Variants in MRPS11 observed in about 807,000 individuals in gnomAD.
MRPS11 encodes the protein mitochondrial ribosomal protein S11, also known as small ribosomal subunit protein uS11m.
MRPS11 carries 27 observed loss-of-function variants against 24.3 expected under a neutral mutation model. That is an observed-to-expected ratio of 1.11 (90% confidence interval 0.82 to 1.53). The LOEUF (loss-of-function observed/expected upper bound fraction) is 1.53, where lower values mean the gene tolerates loss of function less well. Ranked by LOEUF, MRPS11 falls within the 40% of genes most tolerant of loss-of-function variation. The pLI is 0.00. For synonymous variants in MRPS11, 104 were observed against 98.7 expected, an observed-to-expected ratio of 1.05 and a Z score of -0.32; for missense variants, 277 against 256.5, an observed-to-expected ratio of 1.08 and a Z score of -0.55.
Position 88,477,139 on chromosome 15 carries a change from GA to G in MRPS11, c.477+89del. 1.6e-6 allele frequency: 2 copies of G among 1,222,938 alleles called. No homozygotes were observed. The highest frequency in any genetic ancestry group is 1.5e-5 in the African/African-American group (1 of 66,780). 75.8% of individuals were successfully genotyped at this position (1,222,938 alleles called of 1,614,324 possible). On this transcript the variant is annotated intron_variant, in intron 5 of 5. Coordinates refer to ENST00000325844, the MANE Select transcript of MRPS11 (RefSeq NM_022839.5). The surrounding 1 kb of genome is among the most constrained non-coding windows in gnomAD (Gnocchi z 5.7). ...TTGAGAGCAGAGTACAGGGAGAGTA[GA>G]AAACACCTTTTAGTGGATTTCCATG...
At chr15:88,472,399 C>T (rs1387246915) in intron 2 of MRPS11, 7 of 435,836 alleles carry the variant, frequency 1.6e-5, no homozygotes, top group Non-Finnish European at 2.9e-5. Context: ...CTTCTCATAG[C>T]GGAAAGTCCC....
rs901597364 is a variant in MRPS11, at chr15:88,480,437, C to G, written c.*2458C>G. On this transcript the variant is annotated 3_prime_UTR_variant, in exon 6 of 6. Transcript: ENST00000325844. The surrounding 1 kb of genome is among the most constrained non-coding windows in gnomAD (Gnocchi z 5.1). ...TCTTGAACTCCTGGTCTCAAGCAGT[C>G]CCCCCACCTCGGCCTCCCAAAGTGC... The G allele has an allele frequency of 2.6e-5, 4 of 152,144 alleles. No homozygotes were observed. The East Asian group carries it at 5.8e-4, about 22-fold the overall frequency. The allele number at this position is 152,144 out of a possible 1,614,324, so 9.4% of individuals were successfully genotyped here.
At position 88,478,016 on chromosome 15, in the gene MRPS11, C is replaced by G; in HGVS notation, c.*37C>G. 6.5e-7 allele frequency: 1 copy of G among 1,539,470 alleles called. No homozygotes were observed. The highest frequency in any genetic ancestry group is 9.0e-7 in the Non-Finnish European group (1 of 1,112,130). ...CCTGCACTTGGACCTGACCTCAAGC[C>G]TCAGCTCCAGTGGGACCTTGTAAAA... On this transcript the variant is annotated 3_prime_UTR_variant, in exon 6 of 6. Coordinates refer to ENST00000325844, the MANE Select transcript of MRPS11 (RefSeq NM_022839.5). This position sits in a 1 kb window ranked among gnomAD's most constrained non-coding sequence, Gnocchi z 4.7.
At position 88,475,165 on chromosome 15, in the gene MRPS11, G is replaced by A; in HGVS notation, c.337G>A (p.Gly113Ser). The change falls in exon 4 of 6, where the codon GGC (glycine) becomes AGC (serine). Residue 113 changes from glycine to serine, a missense_variant. By Grantham distance (56) the Gly-to-Ser change is moderately conservative. Transcript: ENST00000325844. The surrounding 1 kb of genome is among the most constrained non-coding windows in gnomAD (Gnocchi z 4.1). ...SNEPLAFASC[G>S]TEGFRNAKKG... ...TGAGCCCCTTGCCTTTGCTTCCTGTGGCACAGAGGGATTTCGGAATGCCAA... is the reference window on the plus strand; with the variant it reads ...TGAGCCCCTTGCCTTTGCTTCCTGTAGCACAGAGGGATTTCGGAATGCCAA... The A allele has an allele frequency of 6.2e-7, 1 of 1,614,228 alleles. No homozygotes were observed. Among genetic ancestry groups the A allele is most frequent in the Non-Finnish European group, 8.5e-7 (1 of 1,180,052 alleles).
At chr15:88,476,968 A>G in intron 4 of MRPS11, 21 bp from the exon 5 acceptor site, 2 of 1,609,008 alleles carry the variant, frequency 1.2e-6, no homozygotes, top group Non-Finnish European at 1.7e-6. Context: ...CCGGGGCACT[A>G]ACCACTCTGC....
At chr15:88,468,938 G>C (rs1317273092) in intron 2 of MRPS11, 2 of 151,486 alleles carry the variant, frequency 1.3e-5, no homozygotes, top group Non-Finnish European at 2.9e-5. Context: ...TGAACCCAGG[G>C]AGCGGAGGTT....
intron 2 of MRPS11, among the ~76,000 whole-genome samples, chr15:88,470,532 C>T (rs897856039): frequency 6.6e-6 from 1 of 152,176 alleles, no homozygotes; most frequent in Non-Finnish European, 1.5e-5. Flanking sequence ...TCAGAAGAGA[C>T]AAGGAACTTC....
rs958617379 is a variant in MRPS11 at position 88,475,698 on chromosome 15, G to T, written c.411+459G>T. On this transcript the variant is annotated intron_variant, in intron 4 of 5. Coordinates refer to ENST00000325844, the MANE Select transcript of MRPS11 (RefSeq NM_022839.5). This position sits in a 1 kb window ranked among gnomAD's most constrained non-coding sequence, Gnocchi z 4.1. ...AATAAATTAAAAATAGGCCAGGCGC[G>T]ATGGCTCACAGTTGTAATCCCAGCA... Among the ~76,000 whole-genome samples the T allele has an allele frequency of 6.6e-6, 1 of 152,142 alleles. No homozygotes were observed. The highest frequency in any genetic ancestry group is 6.5e-5 in the Admixed American group (1 of 15,272).
At position 88,467,781 on chromosome 15, in the gene MRPS11, G is replaced by A. The variant is rs201087926; in HGVS notation, c.64G>A (p.Gly22Ser). 3 of 1,614,096 alleles carry A rather than the reference G, an allele frequency of 1.9e-6. No homozygotes were observed. The highest frequency in any genetic ancestry group is 2.5e-6 in the Non-Finnish European group (3 of 1,180,030). ...LRSWTWPQTA[G>S]RVVARTPAGT... ...GTCCTGGACTTGGCCCCAGACAGCCGGGTAACAAATGACTGCCCCCTCGAG... is the reference window on the plus strand; with the variant it reads ...GTCCTGGACTTGGCCCCAGACAGCCAGGTAACAAATGACTGCCCCCTCGAG... Residue 22 changes from glycine to serine, a missense_variant and splice_region_variant, in exon 1 of 6, where the codon GGC (glycine) becomes AGC (serine). Coordinates refer to ENST00000325844, the MANE Select transcript of MRPS11 (RefSeq NM_022839.5).
Position 88,471,857 on chromosome 15 carries a change from C to G in MRPS11, c.183-770C>G, listed in dbSNP as rs566606840. ...ATTTGCAACATTGATTTCCATACCC[C>G]ATCCAGAAGTCCAGGGTGAAGCTTA... is the stretch of plus-strand genomic sequence containing the variant. On this transcript the variant is annotated intron_variant, in intron 2 of 5. Transcript: ENST00000325844. Among the ~76,000 whole-genome samples the G allele has an allele frequency of 3.1e-3, 477 of 152,342 alleles. 4 individuals carry two copies. The highest frequency in any genetic ancestry group is 0.011 in the African/African-American group (446 of 41,580).
Position 88,467,921 on chromosome 15 carries a change from A to T in MRPS11, c.79A>T (p.Arg27Ter). ...TTTTCTTCCCAGCAGGGTCGTGGCC[A>T]GAACGCCGGCCGGGACCATCTGCAC... ...WPQTAGRVVA[R>*]TPAGTICTGA... Residue 27 changes from arginine (R) to a stop codon, truncating the protein, a stop_gained, in exon 2 of 6, where the codon AGA becomes TGA. Coordinates refer to ENST00000325844, the MANE Select transcript of MRPS11 (RefSeq NM_022839.5). LOFTEE classifies it high-confidence loss of function. 6.2e-7 allele frequency: 1 copy of T among 1,613,750 alleles called. No homozygotes were observed. Among genetic ancestry groups the T allele is most frequent in the Non-Finnish European group, 8.5e-7 (1 of 1,180,004 alleles).
chr15:88,468,087 C>G, intron 2 of MRPS11, 63 bp downstream of exon 2: 1 of 1,539,178 alleles, frequency 6.5e-7, no homozygotes, highest in African/African-American at 1.4e-5. Context: ...CCGACACCCT[C>G]CAGAGTCAGA....
Position 88,477,762 on chromosome 15 carries a change from C to G in MRPS11, c.478-110C>G, listed in dbSNP as rs2055851725. 5.8e-6 allele frequency: 5 copies of G among 864,652 alleles called. No individual in the cohort carries two copies. In the South Asian group the frequency reaches 7.1e-5, roughly 12 times the overall value. The allele number at this position is 864,652 out of a possible 1,614,324, so 53.6% of individuals were successfully genotyped here. ...TATCAAAGCCAGTGAGCATCTCACC[C>G]CTCCGTTCCCTTCTCTACGCCACCC... is the stretch of plus-strand genomic sequence containing the variant. On this transcript the variant is annotated intron_variant, in intron 5 of 5. Transcript: ENST00000325844. This position sits in a 1 kb window ranked among gnomAD's most constrained non-coding sequence, Gnocchi z 5.7.
At chr15:88,472,849 G>C (rs930416657) in intron 3 of MRPS11, 124 bp downstream of exon 3, 1 of 666,092 alleles carries the variant, frequency 1.5e-6, no homozygotes, top group African/African-American at 1.8e-5. Context: ...GCATGATGGC[G>C]CTAATGTAGG....
intron 2 of MRPS11, chr15:88,468,675 A>G (rs983922640): frequency 4.2e-6 from 1 of 240,168 alleles, no homozygotes; most frequent in African/African-American, 2.3e-5. Context: ...GCTCAATAAT[A>G]TAATGGAGGT....
In MRPS11 at chr15:88,477,458, A is replaced by G. The variant is rs1356149106; in HGVS notation, c.477+404A>G. 1.3e-5 allele frequency among the ~76,000 whole-genome samples: 2 copies of G among 152,206 alleles called. No individual in the cohort carries two copies. Among genetic ancestry groups the G allele is most frequent in the African/African-American group, 4.8e-5 (2 of 41,442 alleles). On this transcript the variant is annotated intron_variant, in intron 5 of 5. Transcript: ENST00000325844. This position sits in a 1 kb window ranked among gnomAD's most constrained non-coding sequence, Gnocchi z 5.7. ...CAGATAATCTTTAGCTTCTTCAAAG[A>G]GGTGACATCTCTCTGACTTTGCAGG...
In MRPS11 at chr15:88,478,316, A is replaced by T. The variant is rs897453150; in HGVS notation, c.*337A>T. ...GTTACGTAATTCCTAATTCCTCTTG[A>T]AAAAGAGAGTGTGAAATGAGGTGAG... On this transcript the variant is annotated 3_prime_UTR_variant, in exon 6 of 6. Coordinates refer to ENST00000325844, the MANE Select transcript of MRPS11 (RefSeq NM_022839.5). The surrounding 1 kb of genome is among the most constrained non-coding windows in gnomAD (Gnocchi z 4.7). 15 of 281,866 alleles carry T rather than the reference A, an allele frequency of 5.3e-5. No homozygotes were observed. Among genetic ancestry groups the T allele is most frequent in the African/African-American group, 3.0e-4 (14 of 46,230 alleles). The allele number at this position is 281,866 out of a possible 1,614,324, so 17.5% of individuals were successfully genotyped here.
At chr15:88,468,070 C>T in intron 2 of MRPS11, 46 bp downstream of exon 2, 2 of 1,559,812 alleles carry the variant, frequency 1.3e-6, no homozygotes, top group Non-Finnish European at 1.7e-6. Context: ...CAACCCCTGA[C>T]TCTTGCCCGA....
chr15:88,478,065 A>C lies in MRPS11; in HGVS notation c.*86A>C. ...AATGCTCCCTGTCAGAGCTCTCCAG[A>C]ATATGCTTGTTGGAGATCCTTCAGG... On this transcript the variant is annotated 3_prime_UTR_variant, in exon 6 of 6. Coordinates refer to ENST00000325844, the MANE Select transcript of MRPS11 (RefSeq NM_022839.5). This position sits in a 1 kb window ranked among gnomAD's most constrained non-coding sequence, Gnocchi z 4.7. 1 of 1,090,002 alleles carries C rather than the reference A, an allele frequency of 9.2e-7. No individual in the cohort carries two copies. The highest frequency in any genetic ancestry group is 2.0e-4 in the Middle Eastern group (1 of 4,982). 67.5% of individuals were successfully genotyped at this position (1,090,002 alleles called of 1,614,324 possible). A position where few individuals can be genotyped will look rare whatever the true frequency, so the allele number is the denominator to read the frequency against.
Sources: allele counts gnomAD v4.1 joint callset (sites outside exome capture counted in the v4.1 genomes callset), GRCh38; gene constraint gnomAD v4.1.1; non-coding constraint Gnocchi (gnomAD v3.1); transcripts MANE v1.5; gene names NCBI Gene and HGNC (gene_info 2026-07-23, HGNC 2026-07-21).